Variants in EP400 observed in about 807,000 individuals in gnomAD.
EP400 encodes the protein E1A-binding protein p400.
Under a neutral mutation model 354.1 loss-of-function variants are expected in EP400, and 105 were observed. The ratio of observed to expected loss-of-function variants is 0.30; its 90% CI spans 0.25 to 0.35. EP400 has a LOEUF of 0.35. EP400 is among the 10% of genes least tolerant of loss of function. The probability of loss-of-function intolerance (pLI) is 1.00; values close to 1 mark genes in which losing one functional copy is unlikely to be tolerated. For missense variants in EP400, 3,280 were observed against 4,121.0 expected (o/e 0.80, Z 5.59); for synonymous variants, 1,646 against 1,716.9 (o/e 0.96, Z 1.02).
chr12:132,004,750 G>A (rs900846125), intron 12 of EP400, among the ~76,000 whole-genome samples: 3 of 152,174 alleles, frequency 2.0e-5, no homozygotes, highest in African/African-American at 7.2e-5. Context: ...CTGTGTAGTG[G>A]TGAAGTCTGG....
At position 131,994,337 on chromosome 12, in the gene EP400, G is replaced by A. The variant is rs1159096985; in HGVS notation, c.2738-530G>A. ...TGGGGAGAGGGTCCGTGGACAGAGG[G>A]AGTTTGGCTGTGGGGATGCTGGTAG... On this transcript the variant is annotated intron_variant, in intron 11 of 52. Coordinates refer to ENST00000389561, the MANE Select transcript of EP400 (RefSeq NM_015409.5). This position sits in a 1 kb window ranked among gnomAD's most constrained non-coding sequence, Gnocchi z 4.6. Among the ~76,000 whole-genome samples the A allele has an allele frequency of 2.0e-5, 3 of 152,222 alleles. No individual in the cohort carries two copies. The highest frequency in any genetic ancestry group is 2.0e-4 in the Admixed American group (3 of 15,292).
In EP400 at chr12:132,029,956, G is replaced by A; in HGVS notation, c.5585-33G>A. 1 of 1,612,796 alleles carries A rather than the reference G, an allele frequency of 6.2e-7. No homozygotes were observed. The highest frequency in any genetic ancestry group is 1.7e-5 in the Admixed American group (1 of 60,008). ...TGCGGGAGCTGCACCGGCCCTGGATGATGAGGCGCTCTTGATGTGATTCGT... is the reference window on the plus strand; with the variant it reads ...TGCGGGAGCTGCACCGGCCCTGGATAATGAGGCGCTCTTGATGTGATTCGT... On this transcript the variant is annotated intron_variant, in intron 28 of 52. Transcript: ENST00000389561. This position sits in a 1 kb window ranked among gnomAD's most constrained non-coding sequence, Gnocchi z 4.7.
chr12:131,963,233 A>C (rs1891960935), intron 2 of EP400, among the ~76,000 whole-genome samples: 1 of 152,068 alleles, frequency 6.6e-6, no homozygotes, highest in South Asian at 2.1e-4. Context: ...TTTCCTAGGG[A>C]GTTGGTAGGG....
intron 48 of EP400, chr12:132,066,511 C>G (rs574323485): frequency 2.2e-6 from 1 of 452,496 alleles, no homozygotes; most frequent in South Asian, 2.8e-5. Flanking sequence ...GGTGATGTCC[C>G]GTGAGATCAC....
At chr12:132,002,234 T>C (rs532077985) in intron 12 of EP400, among the ~76,000 whole-genome samples, 2 of 152,326 alleles carry the variant, frequency 1.3e-5, no homozygotes, top group African/African-American at 4.8e-5. Context: ...AATTTAAGCC[T>C]GTTCTATTAA....
In EP400 at chr12:132,018,264, C is replaced by T; in HGVS notation, c.4165C>T (p.His1389Tyr). The change falls in exon 21 of 53, where the codon CAC (histidine) becomes TAC (tyrosine). Residue 1389 changes from histidine (H) to tyrosine (Y), a missense_variant. By Grantham distance (83) the His-to-Tyr change is moderately conservative (BLOSUM62 2). Transcript: ENST00000389561. The surrounding 1 kb of genome is among the most constrained non-coding windows in gnomAD (Gnocchi z 4.0). ...CGGCTTAGAAAATAAAATCACTCGT[C>T]ACGAGGCAGAGTTGCTGTCTAAGAA... ...LIGLENKITR[H>Y]EAELLSKKKI... 1 of 1,613,792 alleles carries T rather than the reference C, an allele frequency of 6.2e-7. No individual in the cohort carries two copies. The highest frequency in any genetic ancestry group is 8.5e-7 in the Non-Finnish European group (1 of 1,179,946).
At position 132,045,267 on chromosome 12, in the gene EP400, C is replaced by T. The variant is rs988596612; in HGVS notation, c.6785-52C>T. On this transcript the variant is annotated intron_variant, in intron 37 of 52. Transcript: ENST00000389561. The stretch of plus-strand genomic sequence containing the variant: ...CTGTTTCCTTTGTCTTTTGCCTGCC[C>T]GTGTGGAATCTCCTGGTTTACTCTC... The T allele has an allele frequency of 4.1e-5, 65 of 1,598,934 alleles. 1 individual carries two copies. The highest frequency in any genetic ancestry group is 2.6e-4 in the South Asian group (23 of 88,664).
intron 22 of EP400, among the ~76,000 whole-genome samples, chr12:132,020,514 C>T (rs1894090244): frequency 6.6e-6 from 1 of 152,184 alleles, no homozygotes; most frequent in African/African-American, 2.4e-5. Context: ...TGCGTGCAGT[C>T]GTCTAGGAGA....
chr12:131,960,342 C>T (rs763048047), intron 1 of EP400, among the ~76,000 whole-genome samples: 1 of 152,172 alleles, frequency 6.6e-6, no homozygotes, highest in African/African-American at 2.4e-5. Flanking sequence ...CAGCGATGAT[C>T]GGTATGTTCC....
At position 132,026,265 on chromosome 12, in the gene EP400, C is replaced by T. The variant is rs116626033; in HGVS notation, c.5014+461C>T. 1.2e-3 allele frequency among the ~76,000 whole-genome samples: 181 copies of T among 152,312 alleles called. 1 individual carries two copies. The highest frequency in any genetic ancestry group is 4.1e-3 in the African/African-American group (172 of 41,572). ...TTGGCCCCAGGTCTCTCTGGACATG[C>T]TCTGTCATGATGTGGTGTGTCCTCT... On this transcript the variant is annotated intron_variant, in intron 25 of 52. Coordinates refer to ENST00000389561, the MANE Select transcript of EP400 (RefSeq NM_015409.5).
chr12:132,011,773 T>C (rs1893774614), intron 16 of EP400, 139 bp downstream of exon 16: 1 of 1,156,696 alleles, frequency 8.6e-7, no homozygotes, highest in Non-Finnish European at 1.2e-6. Flanking sequence ...CAGACCTTTA[T>C]GTTGTTCCCC....
chr12:132,022,640 T>G (rs749903681), intron 23 of EP400, among the ~76,000 whole-genome samples: 2 of 151,724 alleles, frequency 1.3e-5, no homozygotes, highest in Non-Finnish European at 2.9e-5. Context: ...AAAAAGTGTT[T>G]TAAGCAACGC....
At position 132,077,662 on chromosome 12, in the gene EP400, C is replaced by G. The variant is rs756072602; in HGVS notation, c.9361C>G (p.Pro3121Ala). The change falls in exon 53 of 53, where the codon CCG becomes GCG. Residue 3121 changes from proline (P) to alanine (A), a missense_variant. Physicochemically the swap from Pro to Ala is conservative, Grantham distance 27 (BLOSUM62 -1). Around this residue, in one of 20 missense-constraint regions of EP400, gnomAD observed 279 missense variants for 386.7 expected, o/e 0.72. Transcript: ENST00000389561. ...AVRLKTPTKPPCQ is the reference protein window; with the variant it reads ...AVRLKTPTKPACQ ...CAGGCTAAAGACACCTACTAAGCCT[C>G]CGTGCCAGTAGTCAGGGCAGCAGGG... is the stretch of plus-strand genomic sequence containing the variant. 2 of 1,608,586 alleles carry G rather than the reference C, an allele frequency of 1.2e-6. No homozygotes were observed. The highest frequency in any genetic ancestry group is 1.3e-5 in the African/African-American group (1 of 74,840).
At chr12:132,002,516 C>T (rs1893450183) in intron 12 of EP400, among the ~76,000 whole-genome samples, 1 of 152,122 alleles carries the variant, frequency 6.6e-6, no homozygotes, top group African/African-American at 2.4e-5. Flanking sequence ...CACAGGTCTC[C>T]TGTGAAGATG....
chr12:131,970,012 G>A (rs1266850780), intron 2 of EP400, among the ~76,000 whole-genome samples: 1 of 152,168 alleles, frequency 6.6e-6, no homozygotes, highest in Non-Finnish European at 1.5e-5. Context: ...TGGTGCCACT[G>A]CACTCCCTTG....
intron 1 of EP400, among the ~76,000 whole-genome samples, chr12:131,952,019 C>G (rs1460878615): frequency 6.6e-6 from 1 of 151,762 alleles, no homozygotes; most frequent in Non-Finnish European, 1.5e-5. Context: ...CTCCTGACCT[C>G]AGGTGATCTG....
At position 132,023,961 on chromosome 12, in the gene EP400, A is replaced by G. The variant is rs763231521; in HGVS notation, c.4855+20A>G. 27 of 1,550,316 alleles carry G rather than the reference A, an allele frequency of 1.7e-5. No homozygotes were observed. Among genetic ancestry groups the G allele is most frequent in the Non-Finnish European group, 2.3e-5 (27 of 1,149,230 alleles). ...TGCAAGGTAAGGATAAGGATGAGAG[A>G]GCACTGATGCCAAAAATGACAAAAG... is the stretch of plus-strand genomic sequence containing the variant. On this transcript the variant is annotated intron_variant, in intron 24 of 52. Coordinates refer to ENST00000389561, the MANE Select transcript of EP400 (RefSeq NM_015409.5).
rs191917023 is a variant in EP400 at position 131,987,344 on chromosome 12, A to T, written c.2224-361A>T. The stretch of plus-strand genomic sequence containing the variant: ...CAGCTAGTCTCATTTCATTTATCCC[A>T]CTCCTTTCCAGATTATCTAGAAGCA... On this transcript the variant is annotated intron_variant, in intron 6 of 52. Transcript: ENST00000389561. 3.6e-4 allele frequency among the ~76,000 whole-genome samples: 55 copies of T among 151,764 alleles called. 1 individual carries two copies. The highest frequency in any genetic ancestry group is 1.3e-3 in the African/African-American group (54 of 41,332).
intron 51 of EP400, among the ~76,000 whole-genome samples, chr12:132,073,488 C>G (rs1277524197): frequency 1.1e-5 from 1 of 94,172 alleles, no homozygotes; most frequent in Non-Finnish European, 1.8e-5. Flanking sequence ...CAGTCTTGCT[C>G]CATCGCCTAG....
Sources: gnomAD v4.1 joint callset for allele counts (sites outside exome capture counted in the v4.1 genomes callset) on GRCh38, gnomAD v4.1.1 for gene constraint, gnomAD v4.1.1 regional missense constraint, Gnocchi (gnomAD v3.1) non-coding constraint, MANE v1.5 for transcripts, NCBI Gene and HGNC (gene_info 2026-07-23, HGNC 2026-07-21) for gene names.